The following GAP43 variants were observed in gnomAD, a reference collection of about 807,000 sequenced individuals.
GAP43 encodes neuromodulin.
GAP43 carries 6 observed loss-of-function variants against 18.6 expected under a neutral mutation model. The observed-to-expected ratio is 0.32, with a 90% CI of 0.18 to 0.64. GAP43 has a LOEUF of 0.64. Ranked by LOEUF, GAP43 falls within the 30% of genes least tolerant of loss-of-function variation. GAP43 has a pLI of 0.78. For missense variants in GAP43, 292 were observed against 295.5 expected (o/e 0.99, Z 0.09); for synonymous variants, 115 against 111.4 (o/e 1.03, Z -0.20).
chr3:115,637,890 G>C (rs1175494977), intron 1 of GAP43, among the ~76,000 whole-genome samples: 1 of 151,972 alleles, frequency 6.6e-6, no homozygotes, highest in Non-Finnish European at 1.5e-5. Context: ...GGATGCTACT[G>C]TTCTTTCTCT....
chr3:115,623,535 T>G lies in GAP43; in HGVS notation c.-155T>G. 1 of 776,484 alleles carries G rather than the reference T, an allele frequency of 1.3e-6. No homozygotes were observed. 48.1% of individuals were successfully genotyped at this position (776,484 alleles called of 1,614,324 possible). ...ACAGTTGCTGCTAACTGCCCTGGTG[T>G]GTGTGAGGGAGAGAGAGGGAGGGAG... On this transcript the variant is annotated 5_prime_UTR_variant, in exon 1 of 3. Transcript: ENST00000305124.
At chr3:115,675,122 A>G (rs1261121978) in intron 1 of GAP43, among the ~76,000 whole-genome samples, 3 of 152,102 alleles carry the variant, frequency 2.0e-5, no homozygotes, top group Admixed American at 2.0e-4. Context: ...CCAAGGCTGA[A>G]GTGCAGTGAC....
intron 1 of GAP43, among the ~76,000 whole-genome samples, chr3:115,629,228 T>C (rs1467442580): frequency 6.6e-6 from 1 of 152,224 alleles, no homozygotes; most frequent in Non-Finnish European, 1.5e-5. Flanking sequence ...TAACTTTCTA[T>C]GTGGAGTTCT....
chr3:115,698,623 G>A (rs1457941101), intron 2 of GAP43, among the ~76,000 whole-genome samples: 1 of 151,738 alleles, frequency 6.6e-6, no homozygotes, highest in African/African-American at 2.4e-5. Context: ...GTGGGTAGAG[G>A]ATGGAAATGA....
intron 1 of GAP43, among the ~76,000 whole-genome samples, chr3:115,641,441 C>G (rs1481380543): frequency 6.8e-6 from 1 of 146,846 alleles, no homozygotes; most frequent in Non-Finnish European, 1.5e-5. Flanking sequence ...CACACAGACA[C>G]TATATATATA....
intron 2 of GAP43, among the ~76,000 whole-genome samples, chr3:115,710,119 AT>A (rs1057486071): frequency 7.9e-5 from 12 of 152,292 alleles, no homozygotes; most frequent in Admixed American, 7.8e-4. Flanking sequence ...GAGAACTACA[AT>A]TTAAAGTGCT....
intron 2 of GAP43, among the ~76,000 whole-genome samples, chr3:115,693,910 A>G (rs1231575962): frequency 6.6e-6 from 1 of 152,168 alleles, no homozygotes; most frequent in Non-Finnish European, 1.5e-5. Context: ...GCTGGTTTCC[A>G]TAACAACCTG....
chr3:115,696,836 T>C (rs1195320520), intron 2 of GAP43, among the ~76,000 whole-genome samples: 1 of 151,342 alleles, frequency 6.6e-6, no homozygotes, highest in Non-Finnish European at 1.5e-5. Context: ...TAGTTTTGTT[T>C]GTTTGTTTGA....
intron 1 of GAP43, among the ~76,000 whole-genome samples, chr3:115,648,808 A>G (rs1329927226): frequency 6.6e-6 from 1 of 152,174 alleles, no homozygotes; most frequent in Non-Finnish European, 1.5e-5. Flanking sequence ...GTAAAAGCAT[A>G]TGGGATCAGG....
intron 1 of GAP43, among the ~76,000 whole-genome samples, chr3:115,653,785 A>G (rs1708549391): frequency 6.6e-6 from 1 of 152,190 alleles, no homozygotes; most frequent in South Asian, 2.1e-4. Flanking sequence ...AGTTTGAGTA[A>G]TGCCATCCAA....
chr3:115,633,359 G>T (rs527436709), intron 1 of GAP43, among the ~76,000 whole-genome samples: 30 of 152,232 alleles, frequency 2.0e-4, no homozygotes, highest in African/African-American at 6.7e-4. Flanking sequence ...GGTGACATAG[G>T]TTAGAGACAA....
At chr3:115,666,411 A>G (rs947883618) in intron 1 of GAP43, among the ~76,000 whole-genome samples, 2 of 152,216 alleles carry the variant, frequency 1.3e-5, no homozygotes, top group Admixed American at 6.5e-5. Flanking sequence ...ATACAGTCTC[A>G]TGACCAAATC....
intron 2 of GAP43, among the ~76,000 whole-genome samples, chr3:115,717,584 C>T (rs1709525591): frequency 6.6e-6 from 1 of 151,908 alleles, no homozygotes; most frequent in African/African-American, 2.4e-5. Flanking sequence ...GCTGGGATTA[C>T]AGGTGTGAGC....
rs1198847526 is a variant in GAP43 at position 115,676,460 on chromosome 3, C to A, written c.478C>A (p.Pro160Thr). 5.0e-6 allele frequency: 8 copies of A among 1,614,130 alleles called. No homozygotes were observed. The East Asian group carries it at 1.3e-4, about 27-fold the overall frequency. Residue 160 changes from proline to threonine, a missense_variant, in exon 2 of 3, where the codon CCA (proline) becomes ACA (threonine). Physicochemically the swap from Pro to Thr is conservative, Grantham distance 38. Transcript: ENST00000305124. ...NSPSSKAEDA[P>T]AKEEPKQADV... is the part of the protein sequence containing the mutation. ...GCCGTCCTCCAAGGCTGAAGATGCCCCAGCCAAGGAGGAGCCTAAACAAGC... is the reference window on the plus strand; with the variant it reads ...GCCGTCCTCCAAGGCTGAAGATGCCACAGCCAAGGAGGAGCCTAAACAAGC...
chr3:115,631,777 C>A (rs773568453), intron 1 of GAP43, among the ~76,000 whole-genome samples: 7 of 152,148 alleles, frequency 4.6e-5, no homozygotes, highest in Non-Finnish European at 1.0e-4. Context: ...CATGCCACCA[C>A]GCCTGGCTCA....
At position 115,693,345 on chromosome 3, in the gene GAP43, T is replaced by A. The variant is rs148238317; in HGVS notation, c.628+16735T>A. ...TAGTCCAAGGAAATGCTGCCCCCTT[T>A]CCTCTGACAATTTGAGAGCTGGGCC... On this transcript the variant is annotated intron_variant, in intron 2 of 2. Transcript: ENST00000305124. Among the ~76,000 whole-genome samples the A allele has an allele frequency of 1.1e-4, 16 of 152,240 alleles. No homozygotes were observed. The East Asian group carries it at 3.1e-3, about 29-fold the overall frequency.
intron 2 of GAP43, among the ~76,000 whole-genome samples, chr3:115,695,672 C>T (rs1319404688): frequency 6.6e-6 from 1 of 152,192 alleles, no homozygotes; most frequent in Non-Finnish European, 1.5e-5. Context: ...TCTATACTCT[C>T]TCCAATTTGT....
chr3:115,707,236 GA>G (rs1350685714), intron 2 of GAP43, among the ~76,000 whole-genome samples: 17 of 152,106 alleles, frequency 1.1e-4, no homozygotes, highest in Non-Finnish European at 2.4e-4. Context: ...TAGGCAGTGA[GA>G]GGTTAAGTAA....
chr3:115,640,288 G>T (rs750265914), intron 1 of GAP43, among the ~76,000 whole-genome samples: 5 of 152,030 alleles, frequency 3.3e-5, no homozygotes, highest in Non-Finnish European at 7.4e-5. Flanking sequence ...AGGTGAAGAA[G>T]ATGCATGAGT....
Sources: allele counts gnomAD v4.1 joint callset (sites outside exome capture counted in the v4.1 genomes callset), GRCh38; gene constraint gnomAD v4.1.1; transcripts MANE v1.5; gene names NCBI Gene and HGNC (gene_info 2026-07-23, HGNC 2026-07-21).